Variants in KRT36 observed in about 807,000 individuals in gnomAD.
The protein encoded by KRT36 is keratin 36.
A neutral mutation model predicts 43.0 loss-of-function variants in KRT36; 41 were observed. The observed-to-expected ratio is 0.95, with a 90% CI of 0.74 to 1.24. The LOEUF is 1.24. Among genes scored for constraint, KRT36 ranks in the 50% most tolerant of loss-of-function variants. The pLI is 0.00. For synonymous variants in KRT36, 277 were observed against 252.9 expected (o/e 1.10, Z -0.90); for missense variants, 627 against 595.3 (o/e 1.05, Z -0.55).
chr17:41,489,619 G>GC lies in KRT36; in HGVS notation c.245dup (p.Trp83LeufsTer76), dbSNP rs774618828. 3 of 1,614,078 alleles carry GC rather than the reference G, an allele frequency of 1.9e-6. No individual in the cohort carries two copies. In the Admixed American group the frequency reaches 5.0e-5, roughly 27 times the overall value. On this transcript the variant is annotated frameshift_variant, in exon 1 of 7. Coordinates refer to ENST00000328119, the MANE Select transcript of KRT36 (RefSeq NM_003771.5). LOFTEE classifies it high-confidence loss of function. ...CGTTGAAGGAGCCCTCGCAGAACCA[G>GC]CCCCCGCTCCCCACAAAGCCAGAGG...
rs551238900 is a variant in KRT36 at position 41,489,786 on chromosome 17, G to A, written c.79C>T (p.Arg27Trp). 11 of 1,613,796 alleles carry A rather than the reference G, an allele frequency of 6.8e-6. No individual in the cohort carries two copies. Among genetic ancestry groups the A allele is most frequent in the East Asian group, 2.2e-5 (1 of 44,852 alleles). Residue 27 changes from arginine to tryptophan, a missense_variant, in exon 1 of 7, where the codon CGG (arginine) becomes TGG (tryptophan). Arg to Trp is a moderately radical substitution (Grantham distance 101, BLOSUM62 -3). Transcript: ENST00000328119. The part of the protein sequence containing the change: ...GLCGTAGGIS[R>W]VSSIRSVGSC... ...CCCACAGAACGGATGGAGGACACCC[G>A]AGAGATGCCGCCTGCTGTGCCACAG... is the stretch of plus-strand genomic sequence containing the variant.
rs564136236 is a variant in KRT36 at position 41,489,629 on chromosome 17, C to A, written c.236G>T (p.Gly79Val). 24 of 1,614,160 alleles carry A rather than the reference C, an allele frequency of 1.5e-5. No homozygotes were observed. In the South Asian group the frequency reaches 1.9e-4, roughly 13 times the overall value. The change falls in exon 1 of 7, where the codon GGG becomes GTG. Residue 79 changes from glycine (G) to valine (V), a missense_variant. Coordinates refer to ENST00000328119, the MANE Select transcript of KRT36 (RefSeq NM_003771.5). ...SSECHTSGFV[G>V]SGGWFCEGSF... ...GCCCTCGCAGAACCAGCCCCCGCTC[C>A]CCACAAAGCCAGAGGTGTGGCACTC... is the stretch of plus-strand genomic sequence containing the variant.
chr17:41,486,604 G>T (rs200304012), intron 6 of KRT36, 33 bp from the exon 7 acceptor site: 2 of 1,476,180 alleles, frequency 1.4e-6, no homozygotes, highest in South Asian at 1.4e-5. Flanking sequence ...GGTGCATTTG[G>T]CATCGGAGCA....
rs1310378900 is a variant in KRT36 at position 41,488,700 on chromosome 17, C to A, written c.484G>T (p.Ala162Ser). ...QKILLTKSEN[A>S]RLVLQIDNAK... ...TTATCAATCTGCAGGACCAGCCTGG[C>A]ATTCTCAGACTTAGTCAGCAGGATC... Residue 162 changes from alanine to serine, a missense_variant, in exon 2 of 7, where the codon GCC (alanine) becomes TCC (serine). Coordinates refer to ENST00000328119, the MANE Select transcript of KRT36 (RefSeq NM_003771.5). 3 of 1,614,038 alleles carry A rather than the reference C, an allele frequency of 1.9e-6. No homozygotes were observed. The East Asian group carries it at 6.7e-5, about 36-fold the overall frequency.
intron 6 of KRT36, among the ~76,000 whole-genome samples, 186 bp from the exon 7 acceptor site, chr17:41,486,757 G>A (rs1019823335): frequency 2.0e-5 from 3 of 152,168 alleles, no homozygotes; most frequent in East Asian, 3.9e-4. Flanking sequence ...CAGAAAAGAT[G>A]GCGGAAAACA....
chr17:41,488,565 A>G lies in KRT36; in HGVS notation c.542+77T>C, dbSNP rs918057097. ...CATTTTCCCATCCAGCCTTATTCCC[A>G]CATCACCAGCTCCCAAAGGCAGGGG... is the stretch of plus-strand genomic sequence containing the variant. On this transcript the variant is annotated intron_variant, in intron 2 of 6. Transcript: ENST00000328119. 6 of 1,530,548 alleles carry G rather than the reference A, an allele frequency of 3.9e-6. No homozygotes were observed. The Admixed American group carries it at 1.0e-4, about 26-fold the overall frequency. The allele number at this position is 1,530,548 out of a possible 1,614,324, so 94.8% of individuals were successfully genotyped here.
At chr17:41,487,266 A>AC in intron 5 of KRT36, 85 bp downstream of exon 5, 1 of 1,573,050 alleles carries the variant, frequency 6.4e-7, no homozygotes, top group South Asian at 1.2e-5. Context: ...CTGTGATCAC[A>AC]CCCCATGAGA....
chr17:41,488,787 G>T, intron 1 of KRT36, 63 bp from the exon 2 acceptor site: 1 of 1,367,512 alleles, frequency 7.3e-7, no homozygotes, highest in Non-Finnish European at 1.0e-6. Context: ...CAGGTAGGGG[G>T]ATAGCTCAGC....
In KRT36 at chr17:41,487,427, C is replaced by T; in HGVS notation, c.911G>A (p.Cys304Tyr). 1 of 1,614,080 alleles carries T rather than the reference C, an allele frequency of 6.2e-7. No homozygotes were observed. The change falls in exon 5 of 7, where the codon TGC (cysteine) becomes TAC (tyrosine). Residue 304 changes from cysteine to tyrosine, a missense_variant. Transcript: ENST00000328119. ...QVVSSSEQLQ[C>Y]CQTEIIELRR... is the part of the protein sequence containing the mutation. ...CAGCTCGATGATCTCCGTCTGGCAG[C>T]ACTGCAGCTGCTCCGAGCTGGACAC...
rs1567709380 is a variant in KRT36, at chr17:41,487,832, C to T, written c.700-95G>A. The T allele has an allele frequency of 9.6e-6, 12 of 1,245,212 alleles. No homozygotes were observed. In the South Asian group the frequency reaches 1.1e-4, roughly 12 times the overall value. The allele number at this position is 1,245,212 out of a possible 1,614,324, so 77.1% of individuals were successfully genotyped here. On this transcript the variant is annotated intron_variant, in intron 3 of 6. Coordinates refer to ENST00000328119, the MANE Select transcript of KRT36 (RefSeq NM_003771.5). ...ATTCAAACCCTCTTCCCTCAGTCAC[C>T]AGCTGCATAGCATTAGACAGGATAC...
Position 41,487,093 on chromosome 17 carries a change from G to A in KRT36, c.1065C>T (p.Ile355=). Residue 355 remains isoleucine (I), a synonymous_variant, in exon 6 of 7, where the codon ATC becomes ATT. Transcript: ENST00000328119. ...CAGACAGCTGGGCCTCCACGTTGCT[G>A]ATCAGGCACTGCATCTGGGCCAGCT... ...SSQLAQMQCL[I]SNVEAQLSEI... is the part of the protein sequence containing the mutation. The A allele has an allele frequency of 6.2e-7, 1 of 1,614,246 alleles. No individual in the cohort carries two copies. The highest frequency in any genetic ancestry group is 8.5e-7 in the Non-Finnish European group (1 of 1,180,038).
In KRT36 at chr17:41,487,588, C is replaced by G. The variant is rs750956252; in HGVS notation, c.849G>C (p.Trp283Cys). 2.5e-5 allele frequency: 40 copies of G among 1,613,960 alleles called. No individual in the cohort carries two copies. Among genetic ancestry groups the G allele is most frequent in the Non-Finnish European group, 3.3e-5 (39 of 1,179,956 alleles). ...VENNRRDVEA[W>C]FNTQTEELNQ... is the part of the protein sequence containing the mutation. ...ACCCCAGCCCCACCTGGGTGTTGAA[C>G]CAGGCCTCCACATCTCTGCGGTTAT... The change falls in exon 4 of 7, where the codon TGG becomes TGC. Residue 283 changes from tryptophan (W) to cysteine (C), a missense_variant. Transcript: ENST00000328119.
At chr17:41,488,555 C>G in intron 2 of KRT36, 87 bp downstream of exon 2, 3 of 1,524,996 alleles carry the variant, frequency 2.0e-6, no homozygotes, top group Non-Finnish European at 1.8e-6. Flanking sequence ...TCCCATCCAG[C>G]CTTATTCCCA....
rs1239465913 is a variant in KRT36 at position 41,487,593 on chromosome 17, CCTCCACATCTCTGCGGTTATT to C, written c.823_843del (p.Asn275_Glu281del). The C allele has an allele frequency of 6.2e-7, 1 of 1,614,112 alleles. No homozygotes were observed. The highest frequency in any genetic ancestry group is 1.1e-5 in the South Asian group (1 of 91,088). On this transcript the variant is annotated inframe_deletion, in exon 4 of 7. Coordinates refer to ENST00000328119, the MANE Select transcript of KRT36 (RefSeq NM_003771.5). ...AGCCCCACCTGGGTGTTGAACCAGGCCTCCACATCTCTGCGGTTATTCTCCACCAGGGCCTCGTACTGGCAT... is the reference window on the plus strand; with the variant it reads ...AGCCCCACCTGGGTGTTGAACCAGGCCTCCACCAGGGCCTCGTACTGGCAT...
At chr17:41,488,490 G>A (rs185178684) in intron 2 of KRT36, 91 bp from the exon 3 acceptor site, 18 of 1,541,618 alleles carry the variant, frequency 1.2e-5, no homozygotes, top group East Asian at 4.5e-5. Context: ...AGTGGCTGAC[G>A]GGATCAGGAG....
intron 5 of KRT36, 24 bp downstream of exon 5, chr17:41,487,327 G>A (rs754009297): frequency 1.1e-5 from 18 of 1,605,858 alleles, no homozygotes; most frequent in Non-Finnish European, 1.4e-5. Flanking sequence ...GCCGTGGCCA[G>A]CGACGCAGGC....
Position 41,488,635 on chromosome 17 carries a change from C to T in KRT36, c.542+7G>A, listed in dbSNP as rs1904473384. 1 of 1,613,802 alleles carries T rather than the reference C, an allele frequency of 6.2e-7. No individual in the cohort carries two copies. ...ATGGCAAACCTTCCCTGATCAGGCC[C>T]ACTCACTTGGTCCGGAAGTCGTCAG... On this transcript the variant is annotated splice_region_variant and intron_variant, in intron 2 of 6. Transcript: ENST00000328119.
chr17:41,486,502 G>C lies in KRT36; in HGVS notation c.1278C>G (p.Pro426=), dbSNP rs766767918. 4 of 1,611,622 alleles carry C rather than the reference G, an allele frequency of 2.5e-6. No homozygotes were observed. The African/African-American group carries it at 5.3e-5, about 22-fold the overall frequency. Residue 426 remains proline, a synonymous_variant, in exon 7 of 7, where the codon CCC becomes CCG. Transcript: ENST00000328119. ...VIRVPSVPPV[P]CVPSVPCTPA... is the part of the protein sequence containing the mutation. ...GGGTGCAGGGCACAGAGGGGACACAGGGCACCGGGGGGACAGAAGGAACTC... is the reference window on the plus strand; with the variant it reads ...GGGTGCAGGGCACAGAGGGGACACACGGCACCGGGGGGACAGAAGGAACTC...
intron 4 of KRT36, 32 bp downstream of exon 4, chr17:41,487,544 G>C: frequency 6.2e-7 from 1 of 1,613,008 alleles, no homozygotes; most frequent in South Asian, 1.1e-5. Flanking sequence ...CCCAGCCCAG[G>C]AGCCTGTGGT....
Sources: gnomAD v4.1 joint callset for allele counts (sites outside exome capture counted in the v4.1 genomes callset) on GRCh38, gnomAD v4.1.1 for gene constraint, MANE v1.5 for transcripts, NCBI Gene and HGNC (gene_info 2026-07-23, HGNC 2026-07-21) for gene names.